UGGT1: variants seen among roughly 807,000 people sequenced by gnomAD.
UGGT1 encodes UDP-glucose:glycoprotein glucosyltransferase 1.
Under a neutral mutation model 203.9 loss-of-function variants are expected in UGGT1, and 107 were observed. The observed-to-expected ratio is 0.52, with a 90% confidence interval of 0.45 to 0.62. UGGT1 has a LOEUF of 0.62. Ranked by LOEUF, UGGT1 falls within the 20% of genes least tolerant of loss-of-function variation. The probability of loss-of-function intolerance (pLI) is 0.00; values close to 1 mark genes in which losing one functional copy is unlikely to be tolerated. For synonymous variants in UGGT1, 628 were observed against 653.5 expected (o/e 0.96, Z 0.59); for missense variants, 1,673 against 1,867.2 (o/e 0.90, Z 1.92).
intron 18 of UGGT1, among the ~76,000 whole-genome samples, chr2:128,147,881 A>G (rs1476132440): frequency 1.3e-5 from 2 of 152,230 alleles, no homozygotes; most frequent in Admixed American, 6.5e-5. Flanking sequence ...GGCCTCCCAC[A>G]GTGCTGGGAT....
chr2:128,172,799 T>G, intron 29 of UGGT1, 37 bp downstream of exon 29: 1 of 1,576,752 alleles, frequency 6.3e-7, no homozygotes, highest in South Asian at 1.1e-5. Flanking sequence ...TACCTAATCA[T>G]GTATAATACA....
chr2:128,091,666 T>G (rs1573475390), intron 1 of UGGT1: 20 of 1,238,414 alleles, frequency 1.6e-5, no homozygotes, highest in African/African-American at 1.4e-4. Flanking sequence ...GAGCTTTAGA[T>G]CCTTGTGCCA....
chr2:128,091,503 C>T lies in UGGT1; in HGVS notation c.58+88C>T, dbSNP rs116262417. 4.2e-4 allele frequency: 630 copies of T among 1,501,890 alleles called. 2 individuals carry two copies. In the African/African-American group the frequency reaches 8.3e-3, roughly 20 times the overall value. 93.0% of individuals were successfully genotyped at this position (1,501,890 alleles called of 1,614,324 possible). A position where few individuals can be genotyped will look rare whatever the true frequency, so the allele number is the denominator to read the frequency against. The stretch of plus-strand genomic sequence containing the variant: ...CCTGTGCCCCTGTCACATTGAGCTT[C>T]CGCCTCTACCGTGACTCAGTTTACC... On this transcript the variant is annotated intron_variant, in intron 1 of 40. Coordinates refer to ENST00000259253, the MANE Select transcript of UGGT1 (RefSeq NM_020120.4).
chr2:128,157,445 TC>T, intron 22 of UGGT1, 99 bp downstream of exon 22: 1 of 880,632 alleles, frequency 1.1e-6, no homozygotes, highest in Non-Finnish European at 1.8e-6. Flanking sequence ...GAGTTGGGAG[TC>T]CTGCTTTCTT....
chr2:128,160,712 A>C, intron 24 of UGGT1, 121 bp downstream of exon 24: 1 of 1,357,034 alleles, frequency 7.4e-7, no homozygotes, highest in East Asian at 2.6e-5. Flanking sequence ...ATTGGGGCTT[A>C]TGAAGTGCCA....
rs1256533131 is a variant in UGGT1 at position 128,192,397 on chromosome 2, A to AT, written c.*2662dup. ...CTGTAACAGAAAAGATAGGTAAGAT[A>AT]TTTTTTTCCCAAGAAGTAAGAATTG... On this transcript the variant is annotated 3_prime_UTR_variant, in exon 41 of 41. Transcript: ENST00000259253. 3 of 151,948 alleles carry AT rather than the reference A, an allele frequency of 2.0e-5. No individual in the cohort carries two copies. In the East Asian group the frequency reaches 5.8e-4, roughly 29 times the overall value. The allele number at this position is 151,948 out of a possible 1,614,324, so 9.4% of individuals were successfully genotyped here.
chr2:128,177,703 T>A (rs1691469195), intron 32 of UGGT1, 129 bp from the exon 33 acceptor site: 2 of 684,542 alleles, frequency 2.9e-6, no homozygotes, highest in Non-Finnish European at 4.8e-6. Flanking sequence ...TGGGTGGGGT[T>A]GTGCCTGTTT....
intron 16 of UGGT1, chr2:128,140,601 G>A (rs940618138): frequency 6.6e-6 from 1 of 152,154 alleles, no homozygotes; most frequent in African/African-American, 2.4e-5. Flanking sequence ...TGGGCTCTGC[G>A]GCCTGAGACT....
At position 128,097,453 on chromosome 2, in the gene UGGT1, T is replaced by C. The variant is rs767389340; in HGVS notation, c.83T>C (p.Leu28Pro). The change falls in exon 2 of 41, where the codon CTG becomes CCG. Residue 28 changes from leucine to proline, a missense_variant. By Grantham distance (98) the Leu-to-Pro change is moderately conservative (BLOSUM62 -3). Coordinates refer to ENST00000259253, the MANE Select transcript of UGGT1 (RefSeq NM_020120.4). Reference protein sequence around the residue: ...VTGVCYKMGVLVVLTVLWLFS... With the variant: ...VTGVCYKMGVPVVLTVLWLFS... ...GGAGTTTGCTATAAAATGGGAGTTC[T>C]GGTTGTACTCACTGTTCTGTGGCTG... 2 of 1,613,644 alleles carry C rather than the reference T, an allele frequency of 1.2e-6. No homozygotes were observed. Among genetic ancestry groups the C allele is most frequent in the South Asian group, 2.2e-5 (2 of 90,988 alleles).
rs1013056836 is a variant in UGGT1 at position 128,193,650 on chromosome 2, C to G, written c.*3908C>G. 2 of 152,174 alleles carry G rather than the reference C, an allele frequency of 1.3e-5. No individual in the cohort carries two copies. The highest frequency in any genetic ancestry group is 2.9e-5 in the Non-Finnish European group (2 of 68,086). The allele number at this position is 152,174 out of a possible 1,614,324, so 9.4% of individuals were successfully genotyped here. Reference sequence around the variant, plus strand: ...AAGTCCCTGAGTAGAGGGCCAAGAGCTAGGGACAGGGGGAAGAGACTGGCC... The same window carrying G: ...AAGTCCCTGAGTAGAGGGCCAAGAGGTAGGGACAGGGGGAAGAGACTGGCC... On this transcript the variant is annotated 3_prime_UTR_variant, in exon 41 of 41. Coordinates refer to ENST00000259253, the MANE Select transcript of UGGT1 (RefSeq NM_020120.4).
At position 128,159,643 on chromosome 2, in the gene UGGT1, TTCA is replaced by T; in HGVS notation, c.2489_2491del (p.Ile830del). On this transcript the variant is annotated inframe_deletion, in exon 23 of 41. Coordinates refer to ENST00000259253, the MANE Select transcript of UGGT1 (RefSeq NM_020120.4). ...TCAGACTTCCAACGCTGCTAAGAACTTCATCACCAAAATGGCCAAGGAGGGGGC... is the reference window on the plus strand; with the variant it reads ...TCAGACTTCCAACGCTGCTAAGAACTTCACCAAAATGGCCAAGGAGGGGGC... The T allele has an allele frequency of 3.7e-6, 6 of 1,614,102 alleles. No homozygotes were observed. The highest frequency in any genetic ancestry group is 5.1e-6 in the Non-Finnish European group (6 of 1,180,020).
rs753637028 is a variant in UGGT1 at position 128,148,147 on chromosome 2, C to A, written c.2016+2180C>A. On this transcript the variant is annotated intron_variant, in intron 18 of 40. Transcript: ENST00000259253. ...TGCCATCTCAGCTCACTGCAACCTCCGCCTCCTGGGTTCAAGTGATTCTCC... is the reference window on the plus strand; with the variant it reads ...TGCCATCTCAGCTCACTGCAACCTCAGCCTCCTGGGTTCAAGTGATTCTCC... Among the ~76,000 whole-genome samples the A allele has an allele frequency of 2.0e-5, 3 of 152,094 alleles. 1 individual carries two copies. The highest frequency in any genetic ancestry group is 4.2e-4 in the South Asian group (2 of 4,816).
In UGGT1 at chr2:128,131,017, G is replaced by C. The variant is rs527882566; in HGVS notation, c.1377+1838G>C. On this transcript the variant is annotated intron_variant, in intron 13 of 40. Coordinates refer to ENST00000259253, the MANE Select transcript of UGGT1 (RefSeq NM_020120.4). ...GGAGGCCGAGGTGGGTGGATCATTT[G>C]AGGTGAGGAGTTCGCGACCAGCCTG... 2.7e-5 allele frequency among the ~76,000 whole-genome samples: 4 copies of C among 146,162 alleles called. No homozygotes were observed. The Admixed American group carries it at 2.7e-4, about 10-fold the overall frequency.
chr2:128,162,612 A>G (rs2104750122), intron 25 of UGGT1, among the ~76,000 whole-genome samples: 1 of 152,282 alleles, frequency 6.6e-6, no homozygotes, highest in East Asian at 1.9e-4. Context: ...GGCTACAAAT[A>G]AGGAGGATCC....
At chr2:128,120,315 G>GA in intron 8 of UGGT1, 41 bp from the exon 9 acceptor site, 2 of 1,582,972 alleles carry the variant, frequency 1.3e-6, no homozygotes, top group Non-Finnish European at 1.7e-6. Context: ...CTCCGGGAAA[G>GA]AAAAAATAAT....
chr2:128,155,635 G>T (rs369744397), intron 20 of UGGT1, 48 bp downstream of exon 20: 10 of 1,438,830 alleles, frequency 7.0e-6, no homozygotes, highest in Non-Finnish European at 9.6e-6. Context: ...TTTTTTGAAA[G>T]TATTTGCATA....
At chr2:128,157,397 T>C (rs754067770) in intron 22 of UGGT1, 51 bp downstream of exon 22, 1 of 1,471,594 alleles carries the variant, frequency 6.8e-7, no homozygotes, top group Non-Finnish European at 9.5e-7. Flanking sequence ...TGTAGTTGTC[T>C]TCATGGGCTT....
intron 20 of UGGT1, among the ~76,000 whole-genome samples, chr2:128,156,125 C>T (rs553993218): frequency 1.3e-5 from 2 of 152,274 alleles, no homozygotes; most frequent in African/African-American, 4.8e-5. Flanking sequence ...GCTATTTTTA[C>T]CGCCTTTTTA....
chr2:128,170,490 A>G, intron 27 of UGGT1, 100 bp downstream of exon 27: 1 of 958,546 alleles, frequency 1.0e-6, no homozygotes, highest in South Asian at 1.4e-5. Context: ...TGCCTTCAAC[A>G]GGCACTGGAC....
Sources: allele counts gnomAD v4.1 joint callset (sites outside exome capture counted in the v4.1 genomes callset), GRCh38; gene constraint gnomAD v4.1.1; transcripts MANE v1.5; gene names NCBI Gene and HGNC (gene_info 2026-07-23, HGNC 2026-07-21).